PRKN: variants seen among roughly 807,000 people sequenced by gnomAD.
The protein encoded by PRKN is parkin RBR E3 ubiquitin protein ligase, also known as E3 ubiquitin-protein ligase parkin.
Under a neutral mutation model 59.5 loss-of-function variants are expected in PRKN, and 56 were observed. The observed-to-expected ratio is 0.94, with a 90% CI of 0.76 to 1.18. PRKN has a LOEUF of 1.18. PRKN is among the 50% of genes most tolerant of loss of function. PRKN has a pLI of 0.00. For missense variants in PRKN, 657 were observed against 596.4 expected (o/e 1.10, Z -1.06); for synonymous variants, 250 against 222.1 (o/e 1.13, Z -1.12).
intron 4 of PRKN, among the ~76,000 whole-genome samples, chr6:162,133,280 C>T (rs1316072341): frequency 6.6e-6 from 1 of 152,044 alleles, no homozygotes; most frequent in Non-Finnish European, 1.5e-5. Flanking sequence ...GTGAAGTGAT[C>T]GGATTCAAGG....
intron 6 of PRKN, among the ~76,000 whole-genome samples, chr6:161,930,155 T>C (rs1779118777): frequency 1.3e-5 from 2 of 152,092 alleles, no homozygotes; most frequent in Non-Finnish European, 2.9e-5. Context: ...AACTAAGGAG[T>C]TCACAACCTG....
chr6:162,018,262 G>A (rs1449248508), intron 5 of PRKN, among the ~76,000 whole-genome samples: 4 of 152,064 alleles, frequency 2.6e-5, no homozygotes, highest in East Asian at 1.9e-4. Flanking sequence ...TCCTGACCTC[G>A]TGATCCACCT....
intron 9 of PRKN, among the ~76,000 whole-genome samples, chr6:161,495,141 GATATCTTAT>G (rs1777699946): frequency 6.6e-6 from 1 of 152,072 alleles, no homozygotes; most frequent in Non-Finnish European, 1.5e-5. Flanking sequence ...TTACTAATAA[GATATCTTAT>G]ATTCTTCTAT....
At chr6:161,704,689 A>C (rs1459590508) in intron 7 of PRKN, among the ~76,000 whole-genome samples, 5 of 152,106 alleles carry the variant, frequency 3.3e-5, no homozygotes, top group African/African-American at 1.2e-4. Flanking sequence ...CACCAAGCCC[A>C]AAAGTGCCTC....
chr6:162,076,398 A>C (rs1401021556), intron 4 of PRKN, among the ~76,000 whole-genome samples: 4 of 152,172 alleles, frequency 2.6e-5, no homozygotes, highest in Non-Finnish European at 5.9e-5. Flanking sequence ...GGTCTGGTTT[A>C]ATACACATTG....
At chr6:161,904,883 A>G (rs1778084562) in intron 6 of PRKN, among the ~76,000 whole-genome samples, 1 of 152,084 alleles carries the variant, frequency 6.6e-6, no homozygotes, top group African/African-American at 2.4e-5. Context: ...ATGTGGGGGG[A>G]GTCAGGATAG....
intron 9 of PRKN, among the ~76,000 whole-genome samples, chr6:161,464,563 C>T (rs2209249): frequency 0.15 from 22,196 of 152,098 alleles, 2,430 homozygotes; most frequent in African/African-American, 0.31. Flanking sequence ...AAAAGGTTTT[C>T]TCACGCCCAT....
intron 4 of PRKN, among the ~76,000 whole-genome samples, chr6:162,191,582 A>G (rs890000744): frequency 3.3e-5 from 5 of 152,160 alleles, no homozygotes; most frequent in Admixed American, 3.3e-4. Context: ...AGCTGGGATT[A>G]TAGGCACATG....
In PRKN at chr6:161,385,165, T is replaced by C. The variant is rs1786181800; in HGVS notation, c.1167+1629A>G. ...GGCTGATCTCAATCTCTTGACCTCA[T>C]GATCCGCCCACCTCGGCCTCCCAAA... On this transcript the variant is annotated intron_variant, in intron 10 of 11. Coordinates refer to ENST00000366898, the MANE Select transcript of PRKN (RefSeq NM_004562.3). This position sits in a 1 kb window ranked among gnomAD's most constrained non-coding sequence, Gnocchi z 4.9. 6.6e-6 allele frequency among the ~76,000 whole-genome samples: 1 copy of C among 151,916 alleles called. No individual in the cohort carries two copies. Among genetic ancestry groups the C allele is most frequent in the Non-Finnish European group, 1.5e-5 (1 of 68,006 alleles).
At chr6:162,705,037 T>A (rs577711211) in intron 1 of PRKN, among the ~76,000 whole-genome samples, 13 of 152,216 alleles carry the variant, frequency 8.5e-5, no homozygotes, top group Admixed American at 6.5e-4. Context: ...TTTGCTTTTT[T>A]AAAAAAAATT....
chr6:161,897,051 G>A (rs1334018079), intron 6 of PRKN, among the ~76,000 whole-genome samples: 1 of 152,136 alleles, frequency 6.6e-6, no homozygotes, highest in Non-Finnish European at 1.5e-5. Context: ...AGTATTCCTA[G>A]TATCTTCTAA....
At chr6:162,040,317 G>T (rs1185783276) in intron 5 of PRKN, among the ~76,000 whole-genome samples, 1 of 152,036 alleles carries the variant, frequency 6.6e-6, no homozygotes, top group South Asian at 2.1e-4. Context: ...TTTAGCTTCA[G>T]AAGTAACAGC....
At chr6:162,181,603 C>T (rs1583162860) in intron 4 of PRKN, among the ~76,000 whole-genome samples, 1 of 152,058 alleles carries the variant, frequency 6.6e-6, no homozygotes, top group Non-Finnish European at 1.5e-5. Flanking sequence ...ACCATAGAAT[C>T]CAACATGGTA....
intron 1 of PRKN, among the ~76,000 whole-genome samples, chr6:162,555,981 C>CAAAAAAAAAAAAAAAAAAAA (rs772336975): frequency 4.4e-5 from 4 of 90,384 alleles, no homozygotes; most frequent in Non-Finnish European, 6.3e-5. Context: ...AACTCCATCT[C>CAAAAAAAAAAAAAAAAAAAA]AAAAAAAAAA....
intron 1 of PRKN, among the ~76,000 whole-genome samples, chr6:162,548,744 A>G (rs868094710): frequency 2.0e-5 from 3 of 152,198 alleles, no homozygotes; most frequent in South Asian, 2.1e-4. Flanking sequence ...AACGAGTCTA[A>G]TAATGACACA....
chr6:161,787,696 C>A (rs2128207147), intron 6 of PRKN, among the ~76,000 whole-genome samples: 1 of 152,314 alleles, frequency 6.6e-6, no homozygotes, highest in Non-Finnish European at 1.5e-5. Context: ...CCTGTAATCC[C>A]AGCACTTTGG....
At chr6:162,191,075 T>C (rs58841741) in intron 4 of PRKN, among the ~76,000 whole-genome samples, 7,609 of 152,222 alleles carry the variant, frequency 0.05, 572 homozygotes, top group African/African-American at 0.16. Flanking sequence ...GTGATACAAA[T>C]AGGGCATAGA....
chr6:162,574,140 G>A (rs974189235), intron 1 of PRKN, among the ~76,000 whole-genome samples: 1 of 152,106 alleles, frequency 6.6e-6, no homozygotes, highest in Non-Finnish European at 1.5e-5. Flanking sequence ...AGCCCTCTGA[G>A]GCCATCTCTG....
intron 6 of PRKN, among the ~76,000 whole-genome samples, chr6:161,802,200 T>C (rs1202304903): frequency 6.6e-6 from 1 of 152,078 alleles, no homozygotes; most frequent in African/African-American, 2.4e-5. Context: ...TTATAGCCTC[T>C]CACTCCTCTG....
Sources: allele counts gnomAD v4.1 joint callset (sites outside exome capture counted in the v4.1 genomes callset), GRCh38; gene constraint gnomAD v4.1.1; non-coding constraint Gnocchi (gnomAD v3.1); transcripts MANE v1.5; gene names NCBI Gene and HGNC (gene_info 2026-07-23, HGNC 2026-07-21).